Variants in MATN2 observed in about 807,000 individuals in gnomAD.
MATN2 encodes matrilin 2.
In MATN2, 69 loss-of-function variants were observed where a neutral mutation model predicts 103.2. The ratio of observed to expected loss-of-function variants is 0.67; its 90% CI spans 0.55 to 0.82. The LOEUF (loss-of-function observed/expected upper bound fraction) is 0.82, where lower values mean the gene tolerates loss of function less well. MATN2 is among the 40% of genes least tolerant of loss of function. The pLI, the probability that MATN2 is intolerant of heterozygous loss-of-function variation, is 0.00. For synonymous variants in MATN2, 429 were observed against 450.2 expected (o/e 0.95, Z 0.60); for missense variants, 1,023 against 1,211.5 (o/e 0.84, Z 2.31).
chr8:97,961,629 A>C, intron 5 of MATN2, 99 bp downstream of exon 5: 1 of 1,329,364 alleles, frequency 7.5e-7, no homozygotes, highest in Non-Finnish European at 9.9e-7. Flanking sequence ...TTGTTTCCTC[A>C]CCTTTGGGTT....
intron 3 of MATN2, among the ~76,000 whole-genome samples, chr8:97,941,056 G>C (rs1236965553): frequency 6.6e-6 from 1 of 151,300 alleles, no homozygotes; most frequent in Admixed American, 6.6e-5. Context: ...CAGCTACTCA[G>C]GAAGCTGAGG....
chr8:97,953,562 A>C (rs1045885958), intron 4 of MATN2, among the ~76,000 whole-genome samples: 1 of 152,144 alleles, frequency 6.6e-6, no homozygotes, highest in Non-Finnish European at 1.5e-5. Context: ...CAAGGCGGGC[A>C]GATCACCTGA....
chr8:97,953,319 C>T (rs1453138478), intron 4 of MATN2, among the ~76,000 whole-genome samples: 2 of 152,170 alleles, frequency 1.3e-5, no homozygotes, highest in Non-Finnish European at 2.9e-5. Flanking sequence ...GTGCCACTGA[C>T]ACTTTTCTTT....
At chr8:97,958,714 G>A (rs1811214939) in intron 4 of MATN2, among the ~76,000 whole-genome samples, 1 of 152,194 alleles carries the variant, frequency 6.6e-6, no homozygotes, top group African/African-American at 2.4e-5. Flanking sequence ...CCAGGCCTGA[G>A]AGGATCTGTG....
intron 2 of MATN2, among the ~76,000 whole-genome samples, chr8:97,916,380 TTTTAATTTTAAC>T (rs1359426131): frequency 2.0e-5 from 3 of 152,152 alleles, no homozygotes; most frequent in Non-Finnish European, 4.4e-5. Flanking sequence ...TGACTATTGT[TTTTAATTTTAAC>T]TTTAATTTTA....
At chr8:97,987,931 A>G (rs1798102673) in intron 6 of MATN2, among the ~76,000 whole-genome samples, 1 of 151,888 alleles carries the variant, frequency 6.6e-6, no homozygotes, top group African/African-American at 2.4e-5. Context: ...TAAATGTCTA[A>G]CCAGACTAGT....
At chr8:97,933,716 G>A (rs1810278635) in intron 3 of MATN2, among the ~76,000 whole-genome samples, 1 of 152,076 alleles carries the variant, frequency 6.6e-6, no homozygotes, top group East Asian at 1.9e-4. Flanking sequence ...TTGTTCCTGT[G>A]CCTGAGAAAT....
intron 5 of MATN2, among the ~76,000 whole-genome samples, chr8:97,962,628 C>G (rs1244812745): frequency 6.6e-6 from 1 of 152,196 alleles, no homozygotes; most frequent in East Asian, 1.9e-4. Context: ...TCTTAATCTG[C>G]TGGTGGTGGC....
At chr8:98,000,049 T>G (rs1038105283) in intron 7 of MATN2, among the ~76,000 whole-genome samples, 1 of 151,488 alleles carries the variant, frequency 6.6e-6, no homozygotes, top group Non-Finnish European at 1.5e-5. Context: ...CCTGGCTGAT[T>G]TTTGTATTGT....
intron 2 of MATN2, among the ~76,000 whole-genome samples, chr8:97,906,757 G>A (rs1819183015): frequency 6.6e-6 from 1 of 152,088 alleles, no homozygotes; most frequent in Non-Finnish European, 1.5e-5. Flanking sequence ...GGACATCAAT[G>A]GACAATTTGG....
intron 6 of MATN2, among the ~76,000 whole-genome samples, chr8:97,993,116 T>C (rs937319869): frequency 1.3e-5 from 2 of 152,136 alleles, no homozygotes; most frequent in African/African-American, 4.8e-5. Context: ...ATTTTTGAAA[T>C]TGGACATTAT....
At position 98,017,962 on chromosome 8, in the gene MATN2, G is replaced by T. The variant is rs143151946; in HGVS notation, c.1697-32G>T. ...AAGTCCATGTGAAATGTATGTTGTT[G>T]AAATTGTTGTAACTTGCTCTCCTGT... On this transcript the variant is annotated intron_variant, in intron 11 of 18. Coordinates refer to ENST00000254898, the MANE Select transcript of MATN2 (RefSeq NM_002380.5). 1,080 of 1,609,988 alleles carry T rather than the reference G, an allele frequency of 6.7e-4. 13 individuals carry two copies. In the South Asian group the frequency reaches 0.011, roughly 16 times the overall value.
intron 7 of MATN2, among the ~76,000 whole-genome samples, chr8:97,996,348 A>G (rs1226091757): frequency 6.6e-6 from 1 of 152,156 alleles, no homozygotes; most frequent in Non-Finnish European, 1.5e-5. Flanking sequence ...GAAGGAGAAG[A>G]CTGAGAAAGG....
chr8:97,932,674 G>A (rs1018782269), intron 3 of MATN2, among the ~76,000 whole-genome samples: 1 of 152,004 alleles, frequency 6.6e-6, no homozygotes, highest in Admixed American at 6.6e-5. Context: ...CTGCCTTTTT[G>A]TTCCTTCCTC....
chr8:97,977,781 G>T (rs1401833814), intron 5 of MATN2, among the ~76,000 whole-genome samples: 1 of 152,036 alleles, frequency 6.6e-6, no homozygotes, highest in African/African-American at 2.4e-5. Context: ...CCTCTTTGCT[G>T]ATCCTCCAGC....
At chr8:98,024,183 T>C (rs1813704096) in intron 13 of MATN2, among the ~76,000 whole-genome samples, 1 of 152,120 alleles carries the variant, frequency 6.6e-6, no homozygotes, top group Non-Finnish European at 1.5e-5. Flanking sequence ...AGATGTATCC[T>C]AGAGCTTAAA....
intron 8 of MATN2, among the ~76,000 whole-genome samples, chr8:98,006,206 G>T (rs796763796): frequency 1.6e-4 from 25 of 152,252 alleles, no homozygotes; most frequent in African/African-American, 5.8e-4. Flanking sequence ...CCCAGGCTTT[G>T]GTTTGTTTTT....
chr8:97,875,690 G>GTTTTTTTTTTTT (rs763539274), intron 1 of MATN2, among the ~76,000 whole-genome samples: 6 of 82,030 alleles, frequency 7.3e-5, no homozygotes, highest in Non-Finnish European at 1.1e-4. Flanking sequence ...GTATTTGCCT[G>GTTTTTTTTTTTT]TTTTTTTTTT....
chr8:97,909,836 T>A (rs7016024), intron 2 of MATN2, among the ~76,000 whole-genome samples: 25,200 of 151,110 alleles, frequency 0.17, 2,381 homozygotes, highest in Middle Eastern at 0.21. Flanking sequence ...CCGGCTGGAG[T>A]ACAGTGGCGT....
Sources: gnomAD v4.1 joint callset for allele counts (sites outside exome capture counted in the v4.1 genomes callset) on GRCh38, gnomAD v4.1.1 for gene constraint, MANE v1.5 for transcripts, NCBI Gene and HGNC (gene_info 2026-07-23, HGNC 2026-07-21) for gene names.